REDIC1: variants seen among roughly 807,000 people sequenced by gnomAD.
REDIC1 encodes the protein HEI10 Interacting Protein 1.
the REDIC1 span, chr12:39,691,908 TG>T: frequency 1.4e-6 from 1 of 699,172 alleles, no homozygotes; most frequent in Non-Finnish European, 2.1e-6. Flanking sequence ...TTTTTCTTTG[TG>T]GTTTAAAAAT....
At chr12:39,837,285 A>C in the REDIC1 span, among the ~76,000 whole-genome samples, 1 of 149,686 alleles carries the variant, frequency 6.7e-6, no homozygotes, top group Non-Finnish European at 1.5e-5. Context: ...CTGGCTAGCC[A>C]TATGTAGGAA....
At chr12:39,660,760 A>G in the REDIC1 span, among the ~76,000 whole-genome samples, 2 of 151,940 alleles carry the variant, frequency 1.3e-5, no homozygotes, top group Admixed American at 1.3e-4. Flanking sequence ...TGTTCATTCT[A>G]TCTATTATAT....
the REDIC1 span, among the ~76,000 whole-genome samples, chr12:39,760,531 G>C: frequency 6.6e-6 from 1 of 151,980 alleles, no homozygotes; most frequent in Non-Finnish European, 1.5e-5. Context: ...TCCCTGACTA[G>C]AGGGAATTAT....
the REDIC1 span, among the ~76,000 whole-genome samples, chr12:39,670,450 C>G: frequency 2.0e-5 from 3 of 152,182 alleles, no homozygotes; most frequent in Non-Finnish European, 4.4e-5. Flanking sequence ...TTTGGCCTCC[C>G]AAAGTACTGG....
the REDIC1 span, among the ~76,000 whole-genome samples, chr12:39,650,817 C>A: frequency 6.6e-6 from 1 of 152,216 alleles, no homozygotes; most frequent in African/African-American, 2.4e-5. The surrounding 1 kb of genome is among the most constrained non-coding windows in gnomAD (Gnocchi z 4.3). Context: ...CTCAAGTGAT[C>A]TGCCCACCTT....
chr12:39,896,551 T>A, the REDIC1 span, among the ~76,000 whole-genome samples: 3 of 141,248 alleles, frequency 2.1e-5, no homozygotes, highest in African/African-American at 5.2e-5. Context: ...TATGTGTGTA[T>A]ACATGTATAC....
At chr12:39,764,879 A>G in the REDIC1 span, 1 of 1,606,512 alleles carries the variant, frequency 6.2e-7, no homozygotes, top group Non-Finnish European at 8.5e-7. Flanking sequence ...ATGCAATATA[A>G]GTATTAACTT....
the REDIC1 span, among the ~76,000 whole-genome samples, chr12:39,661,202 T>G: frequency 6.6e-6 from 1 of 152,156 alleles, no homozygotes; most frequent in African/African-American, 2.4e-5. Context: ...ATACTGCCAT[T>G]CTACTTTTAG....
At chr12:39,718,567 A>C in the REDIC1 span, among the ~76,000 whole-genome samples, 1 of 152,156 alleles carries the variant, frequency 6.6e-6, no homozygotes, top group Non-Finnish European at 1.5e-5. Context: ...AATCTTGGTC[A>C]TAAACCTGAC....
At chr12:39,900,780 T>C in the REDIC1 span, among the ~76,000 whole-genome samples, 1 of 152,196 alleles carries the variant, frequency 6.6e-6, no homozygotes, top group Non-Finnish European at 1.5e-5. Context: ...AATTTATAGA[T>C]TCAATGCCAT....
the REDIC1 span, among the ~76,000 whole-genome samples, chr12:39,709,224 G>A: frequency 3.2e-5 from 2 of 62,952 alleles, no homozygotes; most frequent in African/African-American, 8.5e-5. Flanking sequence ...TTAGACTTAT[G>A]TGTTTTTTTT....
At chr12:39,900,712 T>C in the REDIC1 span, among the ~76,000 whole-genome samples, 2 of 152,246 alleles carry the variant, frequency 1.3e-5, no homozygotes, top group Middle Eastern at 3.4e-3. Flanking sequence ...TGGAAGAACA[T>C]TCCATGCTCA....
At chr12:39,711,464 CATACATATATGTATGTGTAT>C in the REDIC1 span, among the ~76,000 whole-genome samples, 51 of 141,476 alleles carry the variant, frequency 3.6e-4, no homozygotes, top group Admixed American at 1.5e-3. Context: ...CACATATACA[CATACATATATGTATGTGTAT>C]ATATGTATAT....
chr12:39,781,086 C>T, the REDIC1 span, among the ~76,000 whole-genome samples: 1 of 152,096 alleles, frequency 6.6e-6, no homozygotes, highest in African/African-American at 2.4e-5. Context: ...ATTTTAACTG[C>T]AATTGCCTTT....
At chr12:39,856,452 T>A in the REDIC1 span, among the ~76,000 whole-genome samples, 1 of 152,200 alleles carries the variant, frequency 6.6e-6, no homozygotes, top group Admixed American at 6.5e-5. Context: ...CACTGTAACC[T>A]CTGCCTCCCG....
chr12:39,669,372 T>C, the REDIC1 span, among the ~76,000 whole-genome samples: 8 of 152,152 alleles, frequency 5.3e-5, no homozygotes, highest in Non-Finnish European at 1.2e-4. Context: ...ACAGCAGATA[T>C]TGGTGAGAAG....
chr12:39,868,939 C>G, the REDIC1 span, among the ~76,000 whole-genome samples: 1 of 152,040 alleles, frequency 6.6e-6, no homozygotes, highest in Non-Finnish European at 1.5e-5. Context: ...GAATATCTAA[C>G]AAAAAATCAT....
chr12:39,666,030 C>T, the REDIC1 span, among the ~76,000 whole-genome samples: 1 of 152,086 alleles, frequency 6.6e-6, no homozygotes, highest in African/African-American at 2.4e-5. Context: ...ATTTAACTTC[C>T]TCTTTTCCTA....
At chr12:39,868,219 T>A in the REDIC1 span, among the ~76,000 whole-genome samples, 1 of 152,212 alleles carries the variant, frequency 6.6e-6, no homozygotes, top group African/African-American at 2.4e-5. Context: ...TCTTTATGTT[T>A]CAAGAGAAGA....
Sources: allele counts gnomAD v4.1 joint callset (sites outside exome capture counted in the v4.1 genomes callset), GRCh38; gene constraint gnomAD v4.1.1; non-coding constraint Gnocchi (gnomAD v3.1); transcripts MANE v1.5; gene names NCBI Gene and HGNC (gene_info 2026-07-23, HGNC 2026-07-21).